The following EPB41L4B variants were observed in gnomAD, a reference collection of about 807,000 sequenced individuals.
EPB41L4B encodes the protein erythrocyte membrane protein band 4.1 like 4B, also known as band 4.1-like protein 4B.
In EPB41L4B, 30 loss-of-function variants were observed where a neutral mutation model predicts 112.5. That is an observed-to-expected ratio of 0.27 (90% CI 0.20 to 0.36). The LOEUF (loss-of-function observed/expected upper bound fraction) is 0.36. Among genes scored for constraint, EPB41L4B ranks in the 10% least tolerant of loss-of-function variants. EPB41L4B has a pLI of 1.00. For synonymous variants in EPB41L4B, 408 were observed against 439.7 expected (o/e 0.93, Z 0.90); for missense variants, 1,024 against 1,133.3 (o/e 0.90, Z 1.38).
chr9:109,225,388 G>C (rs751378242), intron 15 of EPB41L4B, among the ~76,000 whole-genome samples: 1 of 152,184 alleles, frequency 6.6e-6, no homozygotes, highest in African/African-American at 2.4e-5. Flanking sequence ...AAAGAAAGAG[G>C]TTTGATAAAT....
chr9:109,288,321 G>A (rs762433006), intron 1 of EPB41L4B, among the ~76,000 whole-genome samples: 6 of 152,118 alleles, frequency 3.9e-5, no homozygotes, highest in Non-Finnish European at 7.4e-5. Flanking sequence ...GATGGCTCAC[G>A]TCTATAATCC....
At chr9:109,213,498 G>A (rs1833252996) in intron 17 of EPB41L4B, among the ~76,000 whole-genome samples, 2 of 152,182 alleles carry the variant, frequency 1.3e-5, no homozygotes, top group Admixed American at 6.5e-5. Flanking sequence ...TGGGAACGAC[G>A]CCTAATGCTA....
intron 1 of EPB41L4B, among the ~76,000 whole-genome samples, chr9:109,311,610 A>AAAGAACC (rs531070323): frequency 1.3e-5 from 2 of 152,366 alleles, no homozygotes; most frequent in Non-Finnish European, 2.9e-5. Flanking sequence ...CCTGCAAAAA[A>AAAGAACC]TGCTGAGAAA....
intron 2 of EPB41L4B, among the ~76,000 whole-genome samples, chr9:109,277,179 G>C (rs926220494): frequency 6.6e-6 from 1 of 152,088 alleles, no homozygotes. Context: ...GGGAAGAAGA[G>C]GGCTGGAGAG....
At chr9:109,246,641 G>A (rs1834569334) in intron 14 of EPB41L4B, among the ~76,000 whole-genome samples, 1 of 152,248 alleles carries the variant, frequency 6.6e-6, no homozygotes, top group Non-Finnish European at 1.5e-5. Flanking sequence ...GTTGGAACCA[G>A]GTGGTACAAG....
chr9:109,281,910 A>T (rs1486141179), intron 1 of EPB41L4B, among the ~76,000 whole-genome samples: 5 of 152,182 alleles, frequency 3.3e-5, no homozygotes, highest in African/African-American at 1.2e-4. Flanking sequence ...AGAGAAATGA[A>T]AACATATGTT....
At chr9:109,177,312 A>C (rs1438640447) in intron 24 of EPB41L4B, among the ~76,000 whole-genome samples, 2 of 152,166 alleles carry the variant, frequency 1.3e-5, no homozygotes, top group African/African-American at 4.8e-5. Context: ...GCCTCACCCA[A>C]GACCACTGGG....
At position 109,216,872 on chromosome 9, in the gene EPB41L4B, T is replaced by C. The variant is rs563505344; in HGVS notation, c.1633+50A>G. The C allele has an allele frequency of 2.6e-6, 4 of 1,563,272 alleles. No homozygotes were observed. In the East Asian group the frequency reaches 9.0e-5, roughly 35 times the overall value. ...AAGAATCTAGGGAACTCTCGTGCCC[T>C]GCAGCATTGCTCCCCCTTCTCCTGC... On this transcript the variant is annotated intron_variant, in intron 16 of 25. Transcript: ENST00000374566.
intron 15 of EPB41L4B, 120 bp downstream of exon 15, chr9:109,243,498 A>G (rs1834427917): frequency 1.2e-6 from 1 of 842,930 alleles, no homozygotes; most frequent in Non-Finnish European, 1.9e-6. Context: ...CGGCCATGAC[A>G]ATGCATCCCT....
intron 1 of EPB41L4B, among the ~76,000 whole-genome samples, chr9:109,317,839 G>C (rs1837688820): frequency 6.6e-6 from 1 of 152,116 alleles, no homozygotes; most frequent in Non-Finnish European, 1.5e-5. Flanking sequence ...TGACAAGCAG[G>C]GCCAAATGTC....
At chr9:109,278,825 T>C (rs1835932017) in intron 2 of EPB41L4B, among the ~76,000 whole-genome samples, 1 of 152,186 alleles carries the variant, frequency 6.6e-6, no homozygotes, top group Non-Finnish European at 1.5e-5. Context: ...GTCGAATAAA[T>C]TATCTTTGAA....
At chr9:109,184,417 A>G (rs1832180511) in intron 23 of EPB41L4B, among the ~76,000 whole-genome samples, 1 of 152,102 alleles carries the variant, frequency 6.6e-6, no homozygotes, top group African/African-American at 2.4e-5. Flanking sequence ...TTGGGGTTTT[A>G]CATGTTGGCC....
intron 23 of EPB41L4B, among the ~76,000 whole-genome samples, chr9:109,184,098 T>G (rs1215044924): frequency 6.9e-6 from 1 of 145,920 alleles, no homozygotes; most frequent in Non-Finnish European, 1.5e-5. Flanking sequence ...GGGTGAAGTC[T>G]TGGGGTACAT....
At position 109,194,225 on chromosome 9, in the gene EPB41L4B, C is replaced by T; in HGVS notation, c.2218G>A (p.Ala740Thr). 1.2e-6 allele frequency: 2 copies of T among 1,613,980 alleles called. No homozygotes were observed. Among genetic ancestry groups the T allele is most frequent in the Non-Finnish European group, 1.7e-6 (2 of 1,179,888 alleles). Reference sequence around the variant, plus strand: ...GGCTTTCCACCCCCCAATACCTTGGCCCCAGGGGACAGCAGGCCTTTGCCT... The same window carrying T: ...GGCTTTCCACCCCCCAATACCTTGGTCCCAGGGGACAGCAGGCCTTTGCCT... The part of the protein sequence containing the change: ...SEGKGLLSPG[A>T]KSPSDRGGAF... The change falls in exon 21 of 26, where the codon GCC (alanine) becomes ACC (threonine). Residue 740 changes from alanine to threonine, a missense_variant. Transcript: ENST00000374566.
intron 1 of EPB41L4B, among the ~76,000 whole-genome samples, chr9:109,284,438 G>C (rs562169299): frequency 6.6e-6 from 1 of 152,260 alleles, no homozygotes; most frequent in South Asian, 2.1e-4. Context: ...TTTTAGACAG[G>C]GTCTTGCTCT....
chr9:109,229,462 C>G (rs139038815), intron 15 of EPB41L4B, among the ~76,000 whole-genome samples: 199 of 152,292 alleles, frequency 1.3e-3, no homozygotes, highest in South Asian at 0.012. Context: ...GCTCAGTGCA[C>G]ACGTATCAAG....
chr9:109,248,306 C>G (rs1302101017), intron 13 of EPB41L4B, among the ~76,000 whole-genome samples: 1 of 152,206 alleles, frequency 6.6e-6, no homozygotes, highest in Non-Finnish European at 1.5e-5. Flanking sequence ...ATCTGGCCAC[C>G]ACTTTGGAAT....
chr9:109,210,266 C>T (rs1833120826), intron 17 of EPB41L4B, among the ~76,000 whole-genome samples: 1 of 152,150 alleles, frequency 6.6e-6, no homozygotes, highest in South Asian at 2.1e-4. Context: ...GTGAGGTTTA[C>T]AGTATACCCT....
intron 2 of EPB41L4B, among the ~76,000 whole-genome samples, chr9:109,271,207 A>G (rs1406105448): frequency 2.6e-5 from 4 of 152,216 alleles, no homozygotes; most frequent in Non-Finnish European, 5.9e-5. Flanking sequence ...CCACACTGCA[A>G]AAGGCACCCC....
Sources: allele counts gnomAD v4.1 joint callset (sites outside exome capture counted in the v4.1 genomes callset), GRCh38; gene constraint gnomAD v4.1.1; transcripts MANE v1.5; gene names NCBI Gene and HGNC (gene_info 2026-07-23, HGNC 2026-07-21).